The following RNF123 variants were observed in gnomAD, a reference collection of about 807,000 sequenced individuals.
The protein encoded by RNF123 is ring finger protein 123, also known as E3 ubiquitin-protein ligase RNF123.
A neutral mutation model predicts 168.5 loss-of-function variants in RNF123; 86 were observed. The observed-to-expected ratio is 0.51, with a 90% confidence interval of 0.43 to 0.61. RNF123 has a LOEUF of 0.61. Ranked by LOEUF, RNF123 falls within the 20% of genes least tolerant of loss-of-function variation. The pLI, the probability that RNF123 is intolerant of heterozygous loss-of-function variation, is 0.00. For synonymous variants in RNF123, 666 were observed against 689.1 expected, an observed-to-expected ratio of 0.97 and a Z score of 0.52; for missense variants, 1,419 against 1,729.7, an observed-to-expected ratio of 0.82 and a Z score of 3.19.
chr3:49,705,500 C>A, intron 23 of RNF123, 34 bp from the exon 24 acceptor site: 1 of 1,555,512 alleles, frequency 6.4e-7, no homozygotes, highest in Non-Finnish European at 8.7e-7. Context: ...CCGGGATGGC[C>A]CTACCCTTGA....
At chr3:49,696,107 A>G (rs2054262044) in intron 3 of RNF123, among the ~76,000 whole-genome samples, 1 of 152,104 alleles carries the variant, frequency 6.6e-6, no homozygotes, top group Non-Finnish European at 1.5e-5. Flanking sequence ...AATCTGCCCC[A>G]AAGGAACCAC....
intron 35 of RNF123, 192 bp from the exon 36 acceptor site, chr3:49,720,319 A>T: frequency 2.6e-6 from 1 of 377,594 alleles, no homozygotes; most frequent in Non-Finnish European, 4.5e-6. Context: ...CGTCTCAAGA[A>T]AAAAAAAAAA....
In RNF123 at chr3:49,721,357, G is replaced by T; in HGVS notation, c.*52G>T. The T allele has an allele frequency of 6.2e-7, 1 of 1,612,924 alleles. No homozygotes were observed. The highest frequency in any genetic ancestry group is 8.5e-7 in the Non-Finnish European group (1 of 1,178,990). ...CCTCCACCTTTGAACCCAGAGCCAGGCTGGGCCCTATTTATGAGCTCCCTT... is the reference window on the plus strand; with the variant it reads ...CCTCCACCTTTGAACCCAGAGCCAGTCTGGGCCCTATTTATGAGCTCCCTT... On this transcript the variant is annotated 3_prime_UTR_variant, in exon 39 of 39. Coordinates refer to ENST00000327697, the MANE Select transcript of RNF123 (RefSeq NM_022064.5).
In RNF123 at chr3:49,721,326, C is replaced by G. The variant is rs2080402191; in HGVS notation, c.*21C>G. On this transcript the variant is annotated 3_prime_UTR_variant, in exon 39 of 39. Coordinates refer to ENST00000327697, the MANE Select transcript of RNF123 (RefSeq NM_022064.5). ...CCTAGCCCTCACAGCCTGTGCCATC[C>G]TGGAACCTCCACCTTTGAACCCAGA... The G allele has an allele frequency of 6.2e-7, 1 of 1,614,012 alleles. No homozygotes were observed. Among genetic ancestry groups the G allele is most frequent in the Admixed American group, 1.7e-5 (1 of 60,002 alleles).
At chr3:49,706,745 G>C in intron 25 of RNF123, 46 bp from the exon 26 acceptor site, 1 of 1,541,016 alleles carries the variant, frequency 6.5e-7, no homozygotes. Context: ...GTGGACCTGG[G>C]TATGGGGCCA....
At chr3:49,719,035 C>T in intron 35 of RNF123, 1 of 1,613,916 alleles carries the variant, frequency 6.2e-7, no homozygotes, top group East Asian at 2.2e-5. Flanking sequence ...GTGCACCAAG[C>T]GGTTATTGAA....
At chr3:49,696,383 C>G (rs1163857095) in intron 3 of RNF123, among the ~76,000 whole-genome samples, 1 of 149,456 alleles carries the variant, frequency 6.7e-6, no homozygotes, top group Non-Finnish European at 1.5e-5. Context: ...GAGTCTTGCT[C>G]TGTCACCCAG....
intron 5 of RNF123, 127 bp downstream of exon 5, chr3:49,697,584 GC>G: frequency 1.3e-6 from 1 of 745,504 alleles, no homozygotes; most frequent in Non-Finnish European, 2.2e-6. Context: ...TCCTGACGTG[GC>G]CCCAGACCAT....
intron 5 of RNF123, 39 bp from the exon 6 acceptor site, chr3:49,697,846 T>C (rs757000077): frequency 1.2e-5 from 20 of 1,613,082 alleles, no homozygotes; most frequent in African/African-American, 2.7e-5. Context: ...ATGCTCTGTG[T>C]GCCTGGGAGC....
chr3:49,713,949 G>A lies in RNF123; in HGVS notation c.2877G>A (p.Glu959=), dbSNP rs778694948. ...TGAGGAACCTCCTGGCGCCCTATGA[G>A]CAGCGGCCCTGGGCCCAGACCAACT... ...AMVRNLLAPY[E]QRPWAQTNWI... The change falls in exon 30 of 39, where the codon GAG becomes GAA. Residue 959 remains glutamate (E), a synonymous_variant. Coordinates refer to ENST00000327697, the MANE Select transcript of RNF123 (RefSeq NM_022064.5). 6.2e-7 allele frequency: 1 copy of A among 1,614,026 alleles called. No individual in the cohort carries two copies. The highest frequency in any genetic ancestry group is 1.1e-5 in the South Asian group (1 of 91,088).
rs2054343343 is a variant in RNF123 at position 49,699,897 on chromosome 3, C to T, written c.984+125C>T. On this transcript the variant is annotated intron_variant, in intron 12 of 38. Transcript: ENST00000327697. The surrounding 1 kb of genome is among the most constrained non-coding windows in gnomAD (Gnocchi z 4.8). ...CCACAGCATCACCTGGCGAGGGCCCCATGTGACCAGGGCCCTCAGACCTCA... is the reference window on the plus strand; with the variant it reads ...CCACAGCATCACCTGGCGAGGGCCCTATGTGACCAGGGCCCTCAGACCTCA... 1.0e-6 allele frequency: 1 copy of T among 981,424 alleles called. No homozygotes were observed. 60.8% of individuals were successfully genotyped at this position (981,424 alleles called of 1,614,324 possible).
chr3:49,708,854 C>T (rs1205151983), intron 26 of RNF123, among the ~76,000 whole-genome samples: 1 of 152,210 alleles, frequency 6.6e-6, no homozygotes, highest in Non-Finnish European at 1.5e-5. Flanking sequence ...CTGTAATGAA[C>T]ATGGGTTTGC....
intron 25 of RNF123, among the ~76,000 whole-genome samples, chr3:49,706,320 C>T (rs1368301733): frequency 6.6e-6 from 1 of 152,204 alleles, no homozygotes; most frequent in Non-Finnish European, 1.5e-5. Context: ...ATTCATTGAC[C>T]CTGAGTGCTT....
chr3:49,705,605 G>A lies in RNF123; in HGVS notation c.2230G>A (p.Glu744Lys), dbSNP rs747144353. The A allele has an allele frequency of 1.2e-5, 20 of 1,613,614 alleles. 1 individual carries two copies. Among genetic ancestry groups the A allele is most frequent in the African/African-American group, 6.7e-5 (5 of 74,890 alleles). The change falls in exon 24 of 39, where the codon GAG (glutamate) becomes AAG (lysine). Residue 744 changes from glutamate (E) to lysine (K), a missense_variant. By Grantham distance (56) the Glu-to-Lys change is moderately conservative (BLOSUM62 1). Around this residue, in one of 5 missense-constraint regions of RNF123, gnomAD observed 538 missense variants for 708.8 expected, o/e 0.76. Coordinates refer to ENST00000327697, the MANE Select transcript of RNF123 (RefSeq NM_022064.5). ...PPEEPEQPLT[E>K]NSLLEVLDGA... is the part of the protein sequence containing the mutation. ...CGAGGAGCCTGAGCAGCCCCTCACCGAGAACTCGCTGCTGGAAGTCCTGGA... is the reference window on the plus strand; with the variant it reads ...CGAGGAGCCTGAGCAGCCCCTCACCAAGAACTCGCTGCTGGAAGTCCTGGA...
At position 49,699,506 on chromosome 3, in the gene RNF123, C is replaced by A. The variant is rs748470494; in HGVS notation, c.803C>A (p.Pro268Gln). 2 of 1,611,032 alleles carry A rather than the reference C, an allele frequency of 1.2e-6. No homozygotes were observed. Among genetic ancestry groups the A allele is most frequent in the Non-Finnish European group, 1.7e-6 (2 of 1,178,998 alleles). The change falls in exon 11 of 39, where the codon CCG becomes CAG. Residue 268 changes from proline (P) to glutamine (Q), a missense_variant. By Grantham distance (76) the Pro-to-Gln change is moderately conservative. Transcript: ENST00000327697. The surrounding 1 kb of genome is among the most constrained non-coding windows in gnomAD (Gnocchi z 4.8). ...GGCTACCGGCCCCTGCAGGACCCACCGAGTGCTGACCTGGTGCGGGCACAG... is the reference window on the plus strand; with the variant it reads ...GGCTACCGGCCCCTGCAGGACCCACAGAGTGCTGACCTGGTGCGGGCACAG... ...VAGYRPLQDP[P>Q]SADLVRAQRL...
Position 49,702,447 on chromosome 3 carries a change from C to T in RNF123, c.1629+42C>T, listed in dbSNP as rs185801770. The T allele has an allele frequency of 9.1e-4, 1,466 of 1,606,810 alleles. 13 individuals carry two copies. Among genetic ancestry groups the T allele is most frequent in the Non-Finnish European group, 2.3e-4 (267 of 1,173,376 alleles). On this transcript the variant is annotated intron_variant, in intron 19 of 38. Transcript: ENST00000327697. Reference sequence around the variant, plus strand: ...CCAGCCCACTGTGGATCCCCGGCTGCACTACACATGCCATGCCCTCAGCAC... The same window carrying T: ...CCAGCCCACTGTGGATCCCCGGCTGTACTACACATGCCATGCCCTCAGCAC...
At chr3:49,718,639 G>C in intron 35 of RNF123, 1 of 1,613,002 alleles carries the variant, frequency 6.2e-7, no homozygotes, top group Non-Finnish European at 8.5e-7. Flanking sequence ...AAGAGCTGGG[G>C]CCGACGAGCA....
chr3:49,692,890 A>G (rs1241986782), intron 3 of RNF123, among the ~76,000 whole-genome samples: 1 of 152,108 alleles, frequency 6.6e-6, no homozygotes, highest in Non-Finnish European at 1.5e-5. Context: ...GGACACTTAG[A>G]TTGCTTCCAA....
At chr3:49,701,270 C>T (rs1256221582) in intron 15 of RNF123, among the ~76,000 whole-genome samples, 1 of 152,242 alleles carries the variant, frequency 6.6e-6, no homozygotes, top group African/African-American at 2.4e-5. Context: ...CTGTGACAAG[C>T]CCTTATCGTG....
Sources: allele counts gnomAD v4.1 joint callset (sites outside exome capture counted in the v4.1 genomes callset), GRCh38; gene constraint gnomAD v4.1.1; regional missense constraint gnomAD v4.1.1; non-coding constraint Gnocchi (gnomAD v3.1); transcripts MANE v1.5; gene names NCBI Gene and HGNC (gene_info 2026-07-23, HGNC 2026-07-21).